Variants in RNGTT observed in about 807,000 individuals in gnomAD.
The protein encoded by RNGTT is RNA guanylyltransferase and 5'-phosphatase, also known as mRNA-capping enzyme.
Under a neutral mutation model 79.3 loss-of-function variants are expected in RNGTT, and 33 were observed. That is an observed-to-expected ratio of 0.42 (90% confidence interval 0.32 to 0.56). RNGTT has a LOEUF of 0.56. RNGTT is among the 20% of genes least tolerant of loss of function. RNGTT has a pLI of 0.17. For synonymous variants in RNGTT, 222 were observed against 235.9 expected (o/e 0.94, Z 0.54); for missense variants, 497 against 739.1 (o/e 0.67, Z 3.80).
At chr6:88,683,969 T>G (rs966133297) in intron 13 of RNGTT, among the ~76,000 whole-genome samples, 1 of 152,046 alleles carries the variant, frequency 6.6e-6, no homozygotes, top group Non-Finnish European at 1.5e-5. Context: ...GAGTCATGAA[T>G]GCACCACTGT....
At chr6:88,945,235 A>G (rs1239003034) in intron 1 of RNGTT, among the ~76,000 whole-genome samples, 10 of 152,174 alleles carry the variant, frequency 6.6e-5, no homozygotes, top group Admixed American at 6.5e-4. Flanking sequence ...AGCCATCTAC[A>G]CATATTCCTC....
At chr6:88,615,812 A>G (rs9444634) in intron 14 of RNGTT, among the ~76,000 whole-genome samples, 4,672 of 152,328 alleles carry the variant, frequency 0.031, 237 homozygotes, top group African/African-American at 0.11. Context: ...TAGAACAATC[A>G]GTAAAATTGT....
At chr6:88,652,287 T>C (rs988482415) in intron 14 of RNGTT, among the ~76,000 whole-genome samples, 4 of 152,188 alleles carry the variant, frequency 2.6e-5, no homozygotes, top group African/African-American at 9.6e-5. Context: ...TCTCCAAATC[T>C]CATACTTCAT....
chr6:88,863,634 A>G (rs922717559), intron 8 of RNGTT, among the ~76,000 whole-genome samples: 1 of 152,124 alleles, frequency 6.6e-6, no homozygotes, highest in Non-Finnish European at 1.5e-5. Context: ...AAATCTGTCA[A>G]TTTAAAAAGC....
chr6:88,663,259 G>T (rs1774257817), intron 14 of RNGTT, among the ~76,000 whole-genome samples: 1 of 152,142 alleles, frequency 6.6e-6, no homozygotes, highest in Non-Finnish European at 1.5e-5. Flanking sequence ...ATTCAATGGG[G>T]ACTATGGAAT....
intron 14 of RNGTT, among the ~76,000 whole-genome samples, chr6:88,663,136 T>C (rs536189345): frequency 8.7e-4 from 133 of 152,312 alleles, no homozygotes; most frequent in African/African-American, 3.1e-3. Flanking sequence ...TGCCCCTTTT[T>C]CCCTTCCCCC....
At chr6:88,695,168 A>T (rs922527313) in intron 13 of RNGTT, among the ~76,000 whole-genome samples, 7 of 152,206 alleles carry the variant, frequency 4.6e-5, no homozygotes, top group Non-Finnish European at 8.8e-5. Flanking sequence ...AGACAAATGG[A>T]TTTACATCAA....
chr6:88,853,290 G>A (rs1045802625), intron 9 of RNGTT, among the ~76,000 whole-genome samples: 5 of 152,024 alleles, frequency 3.3e-5, no homozygotes, highest in Admixed American at 3.3e-4. Flanking sequence ...GGTGGATCAC[G>A]AGGTCAGGAG....
intron 13 of RNGTT, among the ~76,000 whole-genome samples, chr6:88,684,519 A>C (rs1284472419): frequency 6.6e-6 from 1 of 152,206 alleles, no homozygotes; most frequent in African/African-American, 2.4e-5. Flanking sequence ...ATGATGGTAC[A>C]CACAGGCAAT....
intron 7 of RNGTT, among the ~76,000 whole-genome samples, chr6:88,891,263 C>T (rs1323836232): frequency 2.6e-5 from 4 of 151,890 alleles, no homozygotes; most frequent in Admixed American, 2.6e-4. Flanking sequence ...AATCCTTTTT[C>T]CTTACATTCA....
chr6:88,793,108 T>C (rs1779476236), intron 12 of RNGTT, among the ~76,000 whole-genome samples: 3 of 152,124 alleles, frequency 2.0e-5, no homozygotes, highest in Admixed American at 2.0e-4. Context: ...ACATCAAAAA[T>C]ATGATGAAAG....
intron 10 of RNGTT, among the ~76,000 whole-genome samples, chr6:88,846,206 T>C (rs775051513): frequency 3.3e-5 from 5 of 152,170 alleles, no homozygotes; most frequent in Non-Finnish European, 4.4e-5. Flanking sequence ...CAGGAAACAC[T>C]CAATAATTAT....
chr6:88,736,025 A>G (rs565997972), intron 13 of RNGTT, among the ~76,000 whole-genome samples: 1 of 152,230 alleles, frequency 6.6e-6, no homozygotes, highest in Admixed American at 6.5e-5. Flanking sequence ...TGGATATTAA[A>G]AGGATAATAA....
At chr6:88,840,573 A>AT (rs898395864) in intron 11 of RNGTT, among the ~76,000 whole-genome samples, 3 of 152,012 alleles carry the variant, frequency 2.0e-5, no homozygotes, top group East Asian at 1.9e-4. Context: ...ATTTTCTAGT[A>AT]TTTTTTGTAG....
At chr6:88,630,210 A>G (rs887341503) in intron 14 of RNGTT, among the ~76,000 whole-genome samples, 6 of 152,192 alleles carry the variant, frequency 3.9e-5, no homozygotes, top group African/African-American at 1.4e-4. Context: ...GAAAAGTAAC[A>G]AGCCAAAGAC....
intron 14 of RNGTT, among the ~76,000 whole-genome samples, chr6:88,658,227 T>C (rs544325693): frequency 6.6e-6 from 1 of 152,290 alleles, no homozygotes; most frequent in African/African-American, 2.4e-5. Flanking sequence ...CTGCAACACC[T>C]TGGCCAACCA....
intron 14 of RNGTT, among the ~76,000 whole-genome samples, chr6:88,632,052 C>G (rs1772909960): frequency 2.0e-5 from 3 of 152,098 alleles, no homozygotes; most frequent in Admixed American, 6.6e-5. Context: ...CCTCAACCTC[C>G]CAGGCTCAAG....
At chr6:88,653,166 C>G (rs1773858080) in intron 14 of RNGTT, among the ~76,000 whole-genome samples, 1 of 152,072 alleles carries the variant, frequency 6.6e-6, no homozygotes, top group African/African-American at 2.4e-5. Flanking sequence ...TAAGAAGTAC[C>G]ATGCTAGTTC....
At chr6:88,755,823 T>C (rs1777991976) in intron 13 of RNGTT, among the ~76,000 whole-genome samples, 1 of 151,634 alleles carries the variant, frequency 6.6e-6, no homozygotes, top group Non-Finnish European at 1.5e-5. Flanking sequence ...TAGCCAGGCA[T>C]GGTGGCGGGC....
Sources: gnomAD v4.1 joint callset for allele counts (sites outside exome capture counted in the v4.1 genomes callset) on GRCh38, gnomAD v4.1.1 for gene constraint, MANE v1.5 for transcripts, NCBI Gene and HGNC (gene_info 2026-07-23, HGNC 2026-07-21) for gene names.